Variants in SNX29 observed in about 807,000 individuals in gnomAD.
SNX29 encodes the protein sorting nexin 29, also known as sorting nexin-29.
SNX29 carries 78 observed loss-of-function variants against 102.1 expected under a neutral mutation model. That is an observed-to-expected ratio of 0.76 (90% CI 0.64 to 0.92). The LOEUF (loss-of-function observed/expected upper bound fraction) is 0.92. Among genes scored for constraint, SNX29 ranks in the 40% least tolerant of loss-of-function variants. The pLI is 0.00. For missense variants in SNX29, 1,280 were observed against 1,061.7 expected (o/e 1.21, Z -2.86); for synonymous variants, 580 against 414.5 (o/e 1.40, Z -4.85).
intron 1 of SNX29, among the ~76,000 whole-genome samples, chr16:11,980,102 A>G (rs381174): frequency 0.85 from 128,783 of 152,090 alleles, 55,639 homozygotes; most frequent in South Asian, 0.95. Context: ...AAACATCACC[A>G]TAGTTAATTT....
At chr16:12,556,862 T>G (rs1276773576) in intron 20 of SNX29, among the ~76,000 whole-genome samples, 1 of 152,072 alleles carries the variant, frequency 6.6e-6, no homozygotes, top group Non-Finnish European at 1.5e-5. Flanking sequence ...AATTGAATTT[T>G]TTTTTTTTGA....
At chr16:12,482,386 C>CA (rs767889533) in intron 19 of SNX29, among the ~76,000 whole-genome samples, 1 of 152,150 alleles carries the variant, frequency 6.6e-6, no homozygotes, top group African/African-American at 2.4e-5. Flanking sequence ...ACCGCAGCCT[C>CA]AAACTCCTGG....
Position 12,042,957 on chromosome 16 carries a change from A to C in SNX29, c.308A>C (p.Tyr103Ser). Reference sequence around the variant, plus strand: ...AACAAGCACGAGCTGCAGCGCTTCTACTCCCTGCGCCACATCGCCTCAGAC... The same window carrying C: ...AACAAGCACGAGCTGCAGCGCTTCTCCTCCCTGCGCCACATCGCCTCAGAC... ...VLNKHELQRF[Y>S]SLRHIASDVG... The change falls in exon 5 of 21, where the codon TAC (tyrosine) becomes TCC (serine). Residue 103 changes from tyrosine to serine, a missense_variant. Physicochemically the swap from Tyr to Ser is moderately radical, Grantham distance 144. Transcript: ENST00000566228. The C allele has an allele frequency of 6.2e-7, 1 of 1,613,706 alleles. No individual in the cohort carries two copies. Among genetic ancestry groups the C allele is most frequent in the South Asian group, 1.1e-5 (1 of 91,044 alleles).
chr16:12,562,711 T>C (rs947805546), intron 20 of SNX29, among the ~76,000 whole-genome samples: 23 of 152,234 alleles, frequency 1.5e-4, no homozygotes, highest in Non-Finnish European at 2.9e-5. Flanking sequence ...GATTGAAGCC[T>C]ACCGTGGTAC....
chr16:12,394,600 G>C (rs1331841228), intron 16 of SNX29, among the ~76,000 whole-genome samples: 1 of 152,146 alleles, frequency 6.6e-6, no homozygotes, highest in Non-Finnish European at 1.5e-5. Context: ...TGACTGAGCT[G>C]GACATCCAAG....
intron 1 of SNX29, among the ~76,000 whole-genome samples, chr16:11,982,313 T>A (rs1340754539): frequency 2.0e-5 from 3 of 152,112 alleles, no homozygotes; most frequent in African/African-American, 7.2e-5. Flanking sequence ...TTCAGATATG[T>A]GTTTGTTGTT....
intron 20 of SNX29, 23 bp from the exon 21 acceptor site, chr16:12,568,483 C>A (rs541950373): frequency 1.2e-6 from 2 of 1,608,100 alleles, no homozygotes; most frequent in Admixed American, 3.3e-5. Context: ...AGACTTAACC[C>A]GATTCTCTCC....
At chr16:12,425,937 AG>A (rs2085059907) in intron 18 of SNX29, among the ~76,000 whole-genome samples, 1 of 152,154 alleles carries the variant, frequency 6.6e-6, no homozygotes, top group Admixed American at 6.5e-5. Flanking sequence ...ACTCTCTTGC[AG>A]GCAGACAGAA....
In SNX29 at chr16:12,487,528, G is replaced by A. The variant is rs561804565; in HGVS notation, c.2178+9669G>A. Among the ~76,000 whole-genome samples, 7 of 152,268 alleles carry A rather than the reference G, an allele frequency of 4.6e-5. No individual in the cohort carries two copies. In the South Asian group the frequency reaches 1.0e-3, roughly 23 times the overall value. On this transcript the variant is annotated intron_variant, in intron 19 of 20. Transcript: ENST00000566228. The stretch of plus-strand genomic sequence containing the variant: ...CTTGTAAGTGCCGGAGCCAGGAATT[G>A]AGCCGAACTCTGCAAATGCCGCCGC...
At chr16:12,256,659 G>T (rs189711518) in intron 14 of SNX29, among the ~76,000 whole-genome samples, 2 of 152,198 alleles carry the variant, frequency 1.3e-5, no homozygotes, top group Non-Finnish European at 2.9e-5. Context: ...GAGACAATCA[G>T]CATTCAGCAG....
At chr16:12,125,674 TC>T (rs2054184097) in intron 11 of SNX29, among the ~76,000 whole-genome samples, 1 of 128,306 alleles carries the variant, frequency 7.8e-6, no homozygotes, top group Non-Finnish European at 1.6e-5. Flanking sequence ...ACCAGGCTGG[TC>T]CTGAACTCCT....
intron 20 of SNX29, among the ~76,000 whole-genome samples, chr16:12,550,234 A>G (rs945592577): frequency 6.6e-6 from 1 of 152,200 alleles, no homozygotes; most frequent in African/African-American, 2.4e-5. Flanking sequence ...TACCTTTCTA[A>G]TTTTAGAAAT....
At chr16:12,281,486 C>T (rs957835958) in intron 15 of SNX29, among the ~76,000 whole-genome samples, 2 of 152,106 alleles carry the variant, frequency 1.3e-5, no homozygotes, top group African/African-American at 2.4e-5. Context: ...AAAATTGTTC[C>T]TGACACCCTG....
chr16:12,454,005 T>C (rs186034831), intron 18 of SNX29, among the ~76,000 whole-genome samples: 1 of 152,316 alleles, frequency 6.6e-6, no homozygotes, highest in East Asian at 1.9e-4. Context: ...CTGGGCATTA[T>C]GCCCACATAG....
intron 19 of SNX29, among the ~76,000 whole-genome samples, chr16:12,517,805 G>C (rs1057404402): frequency 2.0e-5 from 3 of 152,096 alleles, no homozygotes; most frequent in East Asian, 3.9e-4. Flanking sequence ...GACTGGATCA[G>C]AGAGGGCCTG....
intron 15 of SNX29, among the ~76,000 whole-genome samples, chr16:12,323,511 A>C (rs2081026077): frequency 8.8e-6 from 1 of 113,074 alleles, no homozygotes; most frequent in African/African-American, 3.2e-5. Flanking sequence ...GTCTGCCTAG[A>C]GGTTTTAAAA....
At chr16:12,224,410 CT>C (rs1267227677) in intron 14 of SNX29, among the ~76,000 whole-genome samples, 1 of 152,196 alleles carries the variant, frequency 6.6e-6, no homozygotes, top group Non-Finnish European at 1.5e-5. Flanking sequence ...GTCACTCCCC[CT>C]GGGGCTCCCA....
At chr16:12,321,272 G>A (rs756842775) in intron 15 of SNX29, among the ~76,000 whole-genome samples, 35 of 152,118 alleles carry the variant, frequency 2.3e-4, no homozygotes, top group South Asian at 6.2e-4. Context: ...CTTCTCCAGC[G>A]GCCACCCTCC....
chr16:12,344,412 G>C (rs1172721391), intron 15 of SNX29, among the ~76,000 whole-genome samples: 2 of 152,192 alleles, frequency 1.3e-5, no homozygotes, highest in Non-Finnish European at 2.9e-5. Flanking sequence ...TCTGTAGATG[G>C]AACCACTAGC....
Sources: allele counts gnomAD v4.1 joint callset (sites outside exome capture counted in the v4.1 genomes callset), GRCh38; gene constraint gnomAD v4.1.1; transcripts MANE v1.5; gene names NCBI Gene and HGNC (gene_info 2026-07-23, HGNC 2026-07-21).